CDH12: variants seen among roughly 807,000 people sequenced by gnomAD.
CDH12 encodes cadherin-12.
CDH12 carries 41 observed loss-of-function variants against 74.1 expected under a neutral mutation model. The ratio of observed to expected loss-of-function variants is 0.55; its 90% CI spans 0.43 to 0.72. CDH12 has a LOEUF of 0.72. Ranked by LOEUF, CDH12 falls within the 30% of genes least tolerant of loss-of-function variation. CDH12 has a pLI of 0.00. For missense variants in CDH12, 945 were observed against 977.2 expected, an observed-to-expected ratio of 0.97 and a Z score of 0.44; for synonymous variants, 399 against 355.0, an observed-to-expected ratio of 1.12 and a Z score of -1.39.
chr5:21,853,837 G>A (rs1489003294), intron 7 of CDH12, among the ~76,000 whole-genome samples: 5 of 151,532 alleles, frequency 3.3e-5, no homozygotes, highest in Non-Finnish European at 5.9e-5. Context: ...TTAAGTTCAC[G>A]TAATACATCA....
intron 5 of CDH12, among the ~76,000 whole-genome samples, chr5:21,993,464 A>G (rs1186712833): frequency 6.6e-6 from 1 of 152,194 alleles, no homozygotes; most frequent in Non-Finnish European, 1.5e-5. Context: ...TCCAAGTGTA[A>G]GAAAAGGAAG....
chr5:22,294,069 T>C (rs1248665767), intron 3 of CDH12, among the ~76,000 whole-genome samples: 1 of 152,078 alleles, frequency 6.6e-6, no homozygotes, highest in Non-Finnish European at 1.5e-5. Context: ...TTCAGGACAG[T>C]ATATTGTACA....
intron 5 of CDH12, among the ~76,000 whole-genome samples, chr5:22,005,965 A>T (rs1230798197): frequency 6.6e-6 from 1 of 152,136 alleles, no homozygotes; most frequent in Non-Finnish European, 1.5e-5. Flanking sequence ...AGGTTGGCTC[A>T]ATCCTATGGA....
intron 1 of CDH12, among the ~76,000 whole-genome samples, chr5:22,562,400 A>C (rs1430333540): frequency 6.6e-6 from 1 of 152,226 alleles, no homozygotes; most frequent in Admixed American, 6.5e-5. Flanking sequence ...GGAATTTAAA[A>C]AAATACAAAA....
chr5:22,002,950 G>C (rs1443475862), intron 5 of CDH12, among the ~76,000 whole-genome samples: 1 of 151,970 alleles, frequency 6.6e-6, no homozygotes, highest in Non-Finnish European at 1.5e-5. Context: ...ATTCTATTTT[G>C]AGCATTATAA....
chr5:22,110,281 C>A (rs956672755), intron 4 of CDH12, among the ~76,000 whole-genome samples: 5 of 152,134 alleles, frequency 3.3e-5, no homozygotes, highest in African/African-American at 1.2e-4. Flanking sequence ...AGGGGTCCTT[C>A]TTCAGGGTGA....
chr5:22,456,543 G>T (rs1382848416), intron 2 of CDH12, among the ~76,000 whole-genome samples: 1 of 151,968 alleles, frequency 6.6e-6, no homozygotes, highest in Non-Finnish European at 1.5e-5. Context: ...ATCTTAAACA[G>T]CACAGAACAA....
intron 1 of CDH12, among the ~76,000 whole-genome samples, chr5:22,578,076 T>A (rs370506005): frequency 6.6e-6 from 1 of 152,224 alleles, no homozygotes; most frequent in South Asian, 2.1e-4. Context: ...CTGAAAAGTC[T>A]TTCAAGTATT....
intron 1 of CDH12, among the ~76,000 whole-genome samples, chr5:22,701,767 T>G (rs1041769557): frequency 2.0e-5 from 3 of 152,164 alleles, no homozygotes; most frequent in Admixed American, 6.5e-5. Context: ...CTACTCAATC[T>G]AAACAATTTC....
chr5:21,911,712 T>C (rs1484030683), intron 6 of CDH12, among the ~76,000 whole-genome samples: 2 of 152,168 alleles, frequency 1.3e-5, no homozygotes, highest in South Asian at 2.1e-4. Context: ...AATACATGTA[T>C]GTGTTTGTGC....
chr5:22,515,061 G>A (rs1359676929), intron 1 of CDH12, among the ~76,000 whole-genome samples: 1 of 151,936 alleles, frequency 6.6e-6, no homozygotes, highest in African/African-American at 2.4e-5. Flanking sequence ...CTTGCAACAG[G>A]AGATAAAGGT....
chr5:21,824,448 A>G (rs1748548060), intron 8 of CDH12, among the ~76,000 whole-genome samples: 1 of 152,114 alleles, frequency 6.6e-6, no homozygotes, highest in South Asian at 2.1e-4. Flanking sequence ...CTCCACAGGC[A>G]GATTCTCGCT....
At chr5:22,701,415 A>T (rs1742707610) in intron 1 of CDH12, among the ~76,000 whole-genome samples, 1 of 152,078 alleles carries the variant, frequency 6.6e-6, no homozygotes, top group South Asian at 2.1e-4. Context: ...CAGCAATAAG[A>T]TTAAAAAAAA....
intron 2 of CDH12, among the ~76,000 whole-genome samples, chr5:22,432,562 CGTGT>C (rs138983932): frequency 6.7e-6 from 1 of 149,252 alleles, no homozygotes; most frequent in African/African-American, 2.5e-5. Flanking sequence ...TGTGTGTGTG[CGTGT>C]GTGTGTGTGT....
chr5:22,786,014 T>C (rs1031716863), intron 1 of CDH12, among the ~76,000 whole-genome samples: 9 of 152,064 alleles, frequency 5.9e-5, no homozygotes, highest in Non-Finnish European at 1.2e-4. Context: ...AACATACACA[T>C]GTATGTTCAT....
intron 3 of CDH12, among the ~76,000 whole-genome samples, chr5:22,340,323 G>A (rs1287229732): frequency 6.6e-6 from 1 of 152,080 alleles, no homozygotes; most frequent in African/African-American, 2.4e-5. Context: ...TCAGGAGATT[G>A]AGACCATCCT....
At chr5:21,922,915 T>C (rs1376230145) in intron 6 of CDH12, among the ~76,000 whole-genome samples, 3 of 151,114 alleles carry the variant, frequency 2.0e-5, no homozygotes, top group African/African-American at 7.3e-5. Context: ...AATACAAGAA[T>C]AAAAAGAAAG....
intron 3 of CDH12, among the ~76,000 whole-genome samples, chr5:22,285,132 G>T (rs561082063): frequency 1.3e-5 from 2 of 152,226 alleles, no homozygotes; most frequent in East Asian, 3.9e-4. Context: ...CTCAAAGTGG[G>T]ATAGGGAGTG....
At chr5:22,117,378 G>A (rs1286199129) in intron 4 of CDH12, among the ~76,000 whole-genome samples, 1 of 140,030 alleles carries the variant, frequency 7.1e-6, no homozygotes, top group African/African-American at 2.7e-5. Flanking sequence ...TATGAAATGT[G>A]TGCTCCAGAA....
Sources: allele counts gnomAD v4.1 joint callset (sites outside exome capture counted in the v4.1 genomes callset), GRCh38; gene constraint gnomAD v4.1.1; transcripts MANE v1.5; gene names NCBI Gene and HGNC (gene_info 2026-07-23, HGNC 2026-07-21).